The following LRRK1 variants were observed in gnomAD, a reference collection of about 807,000 sequenced individuals.
LRRK1 encodes the protein leucine-rich repeat serine/threonine-protein kinase 1.
In LRRK1, 113 loss-of-function variants were observed where a neutral mutation model predicts 209.1. The ratio of observed to expected loss-of-function variants is 0.54; its 90% CI spans 0.46 to 0.63. LRRK1 has a LOEUF of 0.63. LRRK1 is among the 30% of genes least tolerant of loss of function. The probability of loss-of-function intolerance (pLI) is 0.00; values close to 1 mark genes in which losing one functional copy is unlikely to be tolerated. For synonymous variants in LRRK1, 1,144 were observed against 1,099.7 expected (o/e 1.04, Z -0.80); for missense variants, 2,284 against 2,632.2 (o/e 0.87, Z 2.89).
In LRRK1 at chr15:101,048,665, C is replaced by T; in HGVS notation, c.3299+8C>T. The T allele has an allele frequency of 6.7e-7, 1 of 1,492,538 alleles. No homozygotes were observed. The highest frequency in any genetic ancestry group is 1.4e-5 in the South Asian group (1 of 71,908). 92.5% of individuals were successfully genotyped at this position (1,492,538 alleles called of 1,614,324 possible). A position where few individuals can be genotyped will look rare whatever the true frequency, so the allele number is the denominator to read the frequency against. ...TGATGGGGGCTACCTCAGGTAGGAACACCTGGAAGCCCACCTGCCAGGTCA... is the reference window on the plus strand; with the variant it reads ...TGATGGGGGCTACCTCAGGTAGGAATACCTGGAAGCCCACCTGCCAGGTCA... On this transcript the variant is annotated splice_region_variant and intron_variant, in intron 22 of 33. Coordinates refer to ENST00000388948, the MANE Select transcript of LRRK1 (RefSeq NM_024652.6).
chr15:101,059,893 T>A (rs1363316083), intron 29 of LRRK1, among the ~76,000 whole-genome samples: 1 of 152,112 alleles, frequency 6.6e-6, no homozygotes, highest in African/African-American at 2.4e-5. Context: ...AGCAAGGACA[T>A]CGTCAGACTT....
At chr15:100,970,941 A>C (rs2030829308) in intron 2 of LRRK1, among the ~76,000 whole-genome samples, 1 of 152,198 alleles carries the variant, frequency 6.6e-6, no homozygotes, top group Non-Finnish European at 1.5e-5. Context: ...ATACTATCAT[A>C]AACTATTTTT....
intron 12 of LRRK1, among the ~76,000 whole-genome samples, chr15:101,018,904 A>G (rs898162463): frequency 6.6e-6 from 1 of 152,332 alleles, no homozygotes; most frequent in Admixed American, 6.5e-5. Context: ...TGGGTAAGGA[A>G]TTATCTACAA....
chr15:100,959,539 C>T (rs2042832310), intron 2 of LRRK1, among the ~76,000 whole-genome samples: 1 of 152,118 alleles, frequency 6.6e-6, no homozygotes, highest in Non-Finnish European at 1.5e-5. Context: ...ATAAGGCAGA[C>T]ACAGGAACAA....
At chr15:100,949,821 G>A (rs911882262) in intron 2 of LRRK1, among the ~76,000 whole-genome samples, 5 of 152,060 alleles carry the variant, frequency 3.3e-5, no homozygotes, top group Middle Eastern at 6.8e-3. Context: ...ACCCTTTGAT[G>A]AGAAACACTC....
intron 16 of LRRK1, among the ~76,000 whole-genome samples, chr15:101,025,672 G>A (rs745626613): frequency 2.0e-5 from 3 of 152,212 alleles, no homozygotes; most frequent in Non-Finnish European, 2.9e-5. Context: ...CAGCTCCTCT[G>A]TGAACTGACA....
chr15:100,984,611 C>T (rs957734872), intron 4 of LRRK1, among the ~76,000 whole-genome samples: 2 of 152,118 alleles, frequency 1.3e-5, no homozygotes, highest in Admixed American at 6.5e-5. Context: ...ACTTCTTTCC[C>T]ATAGCGATAT....
At chr15:101,052,850 C>A in intron 24 of LRRK1, 72 bp from the exon 25 acceptor site, 1 of 1,521,654 alleles carries the variant, frequency 6.6e-7, no homozygotes. Flanking sequence ...GCCGTTGGGG[C>A]AAATGACCCA....
At chr15:101,009,436 G>A (rs1303298990) in intron 7 of LRRK1, among the ~76,000 whole-genome samples, 1 of 152,218 alleles carries the variant, frequency 6.6e-6, no homozygotes, top group Non-Finnish European at 1.5e-5. Flanking sequence ...GGGCCTCAGA[G>A]AAAGGGTTAA....
At chr15:101,056,627 A>G in intron 27 of LRRK1, among the ~76,000 whole-genome samples, 1 of 151,970 alleles carries the variant, frequency 6.6e-6, no homozygotes, top group South Asian at 2.1e-4. Context: ...GGATGGGTGG[A>G]TGGATGGATG....
At chr15:101,006,388 A>G (rs74040225) in intron 6 of LRRK1, among the ~76,000 whole-genome samples, 1,793 of 147,284 alleles carry the variant, frequency 0.012, 42 homozygotes, top group African/African-American at 0.044. Context: ...AAAAAAAAAA[A>G]AAAAGAAAAG....
chr15:100,999,859 T>G (rs1406062524), intron 6 of LRRK1, among the ~76,000 whole-genome samples: 1 of 152,250 alleles, frequency 6.6e-6, no homozygotes, highest in Non-Finnish European at 1.5e-5. Context: ...TTACAACGAC[T>G]GTTTAGTACA....
chr15:101,057,245 C>T (rs552302967), intron 28 of LRRK1, among the ~76,000 whole-genome samples, 195 bp downstream of exon 28: 19 of 152,336 alleles, frequency 1.2e-4, no homozygotes, highest in East Asian at 3.9e-4. Flanking sequence ...GTCACTCTTA[C>T]GAAACAAACT....
intron 20 of LRRK1, 142 bp from the exon 21 acceptor site, chr15:101,045,839 C>G: frequency 1.5e-6 from 1 of 665,856 alleles, no homozygotes; most frequent in Non-Finnish European, 2.7e-6. Context: ...TAACAGAATT[C>G]CAAAGGCCCT....
rs541461673 is a variant in LRRK1 at position 101,077,636 on chromosome 15, C to T, written c.*8788C>T. 19 of 152,270 alleles carry T rather than the reference C, an allele frequency of 1.2e-4. No individual in the cohort carries two copies. The highest frequency in any genetic ancestry group is 4.6e-4 in the African/African-American group (19 of 41,536). The allele number at this position is 152,270 out of a possible 1,614,324, so 9.4% of individuals were successfully genotyped here. On this transcript the variant is annotated 3_prime_UTR_variant, in exon 34 of 34. Coordinates refer to ENST00000388948, the MANE Select transcript of LRRK1 (RefSeq NM_024652.6). ...ACGAATGTTTCTTCTAACAACCGCA[C>T]AATATCACCCCTTACCACAAGACCT...
At position 101,026,108 on chromosome 15, in the gene LRRK1, C is replaced by A; in HGVS notation, c.2376C>A (p.Gly792=). The A allele has an allele frequency of 6.2e-7, 1 of 1,614,262 alleles. No individual in the cohort carries two copies. Among genetic ancestry groups the A allele is most frequent in the Non-Finnish European group, 8.5e-7 (1 of 1,180,042 alleles). The change falls in exon 17 of 34, where the codon GGC becomes GGA. Residue 792 remains glycine (G), a synonymous_variant. Coordinates refer to ENST00000388948, the MANE Select transcript of LRRK1 (RefSeq NM_024652.6). ...CCCCCTCCGGCTCCAGGGCCACAGG[C>A]TTCCCAGACATCACCTTCAAACACT... ...CRSPSGSRAT[G]FPDITFKHLH... is the part of the protein sequence containing the mutation.
chr15:101,074,593 TA>T lies in LRRK1; in HGVS notation c.*5748del, dbSNP rs1288495439. 3 of 152,184 alleles carry T rather than the reference TA, an allele frequency of 2.0e-5. No homozygotes were observed. Among genetic ancestry groups the T allele is most frequent in the African/African-American group, 7.2e-5 (3 of 41,506 alleles). 9.4% of individuals were successfully genotyped at this position (152,184 alleles called of 1,614,324 possible). ...TTATCACCCAATCTGCTCCCTACAT[TA>T]AATAAAACTCCAAAAATTAAATTCC... On this transcript the variant is annotated 3_prime_UTR_variant, in exon 34 of 34. Transcript: ENST00000388948.
intron 31 of LRRK1, among the ~76,000 whole-genome samples, chr15:101,064,181 T>C (rs2036381270): frequency 6.6e-6 from 1 of 152,266 alleles, no homozygotes; most frequent in South Asian, 2.1e-4. Context: ...TTGCCTTGGC[T>C]GCCTTCTTTC....
rs371578519 is a variant in LRRK1 at position 101,051,237 on chromosome 15, C to T, written c.3440-474C>T. Among the ~76,000 whole-genome samples, 30 of 152,378 alleles carry T rather than the reference C, an allele frequency of 2.0e-4. 2 individuals are homozygous for T. Among genetic ancestry groups the T allele is most frequent in the Admixed American group, 4.6e-4 (7 of 15,310 alleles). ...CAGAGGCGTGGGGGAATCCCGTGTC[C>T]GGTGACTGAGTTTCGTCTATGATAA... On this transcript the variant is annotated intron_variant, in intron 23 of 33. Transcript: ENST00000388948.
Sources: allele counts gnomAD v4.1 joint callset (sites outside exome capture counted in the v4.1 genomes callset), GRCh38; gene constraint gnomAD v4.1.1; transcripts MANE v1.5; gene names NCBI Gene and HGNC (gene_info 2026-07-23, HGNC 2026-07-21).